The following HS1BP3 variants were observed in gnomAD, a reference collection of about 807,000 sequenced individuals.
The protein encoded by HS1BP3 is HCLS1-binding protein 3.
HS1BP3 carries 32 observed loss-of-function variants against 33.5 expected under a neutral mutation model. That is an observed-to-expected ratio of 0.95 (90% CI 0.72 to 1.28). The LOEUF (loss-of-function observed/expected upper bound fraction) is 1.28. Ranked by LOEUF, HS1BP3 falls within the 50% of genes most tolerant of loss-of-function variation. The pLI is 0.00. For missense variants in HS1BP3, 486 were observed against 502.3 expected, an observed-to-expected ratio of 0.97 and a Z score of 0.31; for synonymous variants, 187 against 209.2, an observed-to-expected ratio of 0.89 and a Z score of 0.92.
At chr2:20,592,247 C>T (rs946764828), downstream of HS1BP3, among the ~76,000 whole-genome samples, 19 of 152,140 alleles carry the variant, frequency 1.2e-4, 1 homozygote, top group Admixed American at 1.2e-3. Context: ...ATTGCTTGAA[C>T]GCGGGAGGCA....
intron 5 of HS1BP3, among the ~76,000 whole-genome samples, chr2:20,576,056 G>A (rs939509329): frequency 2.6e-5 from 4 of 152,010 alleles, no homozygotes; most frequent in South Asian, 2.1e-4. Flanking sequence ...TGGCATGACC[G>A]CAGCTCACTG....
intron 2 of HS1BP3, among the ~76,000 whole-genome samples, chr2:20,643,650 G>T (rs1237015488): frequency 6.6e-6 from 1 of 152,170 alleles, no homozygotes; most frequent in Non-Finnish European, 1.5e-5. Context: ...GGCTGGGCGT[G>T]GGGGTTCACA....
At chr2:20,564,066 G>A (rs760909400) in intron 5 of HS1BP3, among the ~76,000 whole-genome samples, 10 of 152,206 alleles carry the variant, frequency 6.6e-5, no homozygotes, top group East Asian at 1.9e-4. Flanking sequence ...ATCCTAGCAC[G>A]GCAAGTCCAG....
At chr2:20,634,886 C>T (rs1031082994) in intron 4 of HS1BP3, 1 of 152,246 alleles carries the variant, frequency 6.6e-6, no homozygotes, top group Admixed American at 6.5e-5. Flanking sequence ...TGTGGGCTCC[C>T]CCTTCCAGGG....
chr2:20,589,506 T>C (rs765338791), downstream of HS1BP3, among the ~76,000 whole-genome samples: 6 of 152,130 alleles, frequency 3.9e-5, no homozygotes, highest in Non-Finnish European at 5.9e-5. Flanking sequence ...AGACCTGGCA[T>C]TGGTTGACTC....
chr2:20,596,392 G>A (rs1196348680), intron 3 of HS1BP3, among the ~76,000 whole-genome samples: 1 of 152,144 alleles, frequency 6.6e-6, no homozygotes, highest in Non-Finnish European at 1.5e-5. Context: ...CTTAGAGCAG[G>A]GATTAGGTCA....
intron 3 of HS1BP3, among the ~76,000 whole-genome samples, chr2:20,596,964 G>A (rs970246373): frequency 6.6e-6 from 1 of 152,168 alleles, no homozygotes; most frequent in African/African-American, 2.4e-5. Context: ...TGGGCAACTT[G>A]AATGTGTTTA....
intron 3 of HS1BP3, 136 bp downstream of exon 3, chr2:20,640,837 G>T: frequency 1.2e-6 from 1 of 822,130 alleles, no homozygotes; most frequent in Non-Finnish European, 2.0e-6. Context: ...TGTCAGCGAG[G>T]CCACCTGCCT....
At chr2:20,595,051 G>C (rs1693912312) in intron 3 of HS1BP3, among the ~76,000 whole-genome samples, 1 of 152,178 alleles carries the variant, frequency 6.6e-6, no homozygotes, top group South Asian at 2.1e-4. Flanking sequence ...AGCCCGGCAT[G>C]CCACTTCCCT....
At position 20,638,473 on chromosome 2, in the gene HS1BP3, C is replaced by T; in HGVS notation, c.586G>A (p.Glu196Lys). 6.2e-7 allele frequency: 1 copy of T among 1,614,262 alleles called. No homozygotes were observed. The highest frequency in any genetic ancestry group is 1.1e-5 in the South Asian group (1 of 91,088). ...LKGEDAEESLEEEEALDPLGI... is the reference protein window; with the variant it reads ...LKGEDAEESLKEEEALDPLGI... ...AGAGGGTCCAGCGCCTCCTCCTCCT[C>T]CAAGGATTCCTCAGCATCCTCGCCC... Residue 196 changes from glutamate (E) to lysine (K), a missense_variant, in exon 4 of 7, where the codon GAG (glutamate) becomes AAG (lysine). Physicochemically the swap from Glu to Lys is moderately conservative, Grantham distance 56. Coordinates refer to ENST00000304031, the MANE Select transcript of HS1BP3 (RefSeq NM_022460.4).
chr2:20,604,180 G>A (rs190803460), intron 2 of HS1BP3, among the ~76,000 whole-genome samples: 1 of 152,352 alleles, frequency 6.6e-6, no homozygotes, highest in East Asian at 1.9e-4. Flanking sequence ...CTGGAAGGCA[G>A]GAGCTGCAGT....
intron 2 of HS1BP3, among the ~76,000 whole-genome samples, chr2:20,600,249 G>C (rs1694041891): frequency 6.6e-6 from 1 of 152,160 alleles, no homozygotes; most frequent in African/African-American, 2.4e-5. Flanking sequence ...CCCTGCCCCT[G>C]GCACCAATCA....
At chr2:20,640,492 C>T (rs1695304210) in intron 3 of HS1BP3, 1 of 351,410 alleles carries the variant, frequency 2.8e-6, no homozygotes, top group South Asian at 1.1e-4. Flanking sequence ...CCGGAGCTGT[C>T]CCCATGACCC....
chr2:20,572,891 G>T (rs1277263751), intron 5 of HS1BP3, among the ~76,000 whole-genome samples: 1 of 152,170 alleles, frequency 6.6e-6, no homozygotes, highest in Non-Finnish European at 1.5e-5. Flanking sequence ...AGCCCCATGG[G>T]AGCAGAGGGG....
chr2:20,593,700 T>G (rs1345216514), intron 3 of HS1BP3, among the ~76,000 whole-genome samples: 7 of 152,070 alleles, frequency 4.6e-5, no homozygotes. Flanking sequence ...CTTCCCCCAC[T>G]GCGCCCGCTC....
intron 2 of HS1BP3, among the ~76,000 whole-genome samples, chr2:20,605,114 G>T (rs772828043): frequency 6.6e-6 from 1 of 152,194 alleles, no homozygotes; most frequent in Non-Finnish European, 1.5e-5. Context: ...GGGAGAATTT[G>T]TCTTCAGTTT....
chr2:20,630,412 A>C (rs1694933755), intron 4 of HS1BP3, among the ~76,000 whole-genome samples: 1 of 152,072 alleles, frequency 6.6e-6, no homozygotes, highest in Non-Finnish European at 1.5e-5. Context: ...ACACAGGCAC[A>C]CACCATAACA....
intron 3 of HS1BP3, among the ~76,000 whole-genome samples, chr2:20,595,945 C>A (rs761412689): frequency 6.6e-6 from 1 of 152,212 alleles, no homozygotes; most frequent in Non-Finnish European, 1.5e-5. Context: ...CAGTTTCCCA[C>A]GTTCTTTCTT....
At chr2:20,627,645 C>T (rs920357767) in intron 4 of HS1BP3, among the ~76,000 whole-genome samples, 1 of 152,200 alleles carries the variant, frequency 6.6e-6, no homozygotes, top group Non-Finnish European at 1.5e-5. Flanking sequence ...AGTGGATCTA[C>T]AGCACACGCG....
Sources: gnomAD v4.1 joint callset for allele counts (sites outside exome capture counted in the v4.1 genomes callset) on GRCh38, gnomAD v4.1.1 for gene constraint, MANE v1.5 for transcripts, NCBI Gene and HGNC (gene_info 2026-07-23, HGNC 2026-07-21) for gene names.